Variants in DACH1 observed in about 807,000 individuals in gnomAD.
The protein encoded by DACH1 is dachshund family transcription factor 1, also known as dachshund homolog 1.
DACH1 carries 12 observed loss-of-function variants against 54.2 expected under a neutral mutation model. The observed-to-expected ratio is 0.22, with a 90% CI of 0.14 to 0.36. The LOEUF (loss-of-function observed/expected upper bound fraction) is 0.36. Among genes scored for constraint, DACH1 ranks in the 10% least tolerant of loss-of-function variants. The pLI is 1.00. For synonymous variants in DACH1, 386 were observed against 366.2 expected, an observed-to-expected ratio of 1.05 and a Z score of -0.62; for missense variants, 805 against 929.8, an observed-to-expected ratio of 0.87 and a Z score of 1.75.
rs1290009056 is a variant in DACH1 at position 71,630,578 on chromosome 13, G to A, written c.1104C>T (p.Asn368=). 10 of 1,590,980 alleles carry A rather than the reference G, an allele frequency of 6.3e-6. No individual in the cohort carries two copies. Among genetic ancestry groups the A allele is most frequent in the South Asian group, 3.5e-5 (3 of 86,362 alleles). The part of the protein sequence containing the change: ...SNNQHGADSE[N]GDMNSSVGLE... ...TACCGACACTTGAATTCATGTCCCC[G>A]TTTTCAGAGTCTGCTCCATGTTGGT... The change falls in exon 3 of 11, where the codon AAC becomes AAT. Residue 368 remains asparagine, a synonymous_variant. Transcript: ENST00000613252.
chr13:71,529,038 G>A (rs1321675425), intron 6 of DACH1, among the ~76,000 whole-genome samples: 2 of 152,016 alleles, frequency 1.3e-5, no homozygotes, highest in Non-Finnish European at 2.9e-5. Context: ...TAATAGAAAT[G>A]TATATATTTA....
intron 1 of DACH1, among the ~76,000 whole-genome samples, chr13:71,762,493 T>TCACTTTGGGAGGCCGAGGCGAGCAG (rs1158354871): frequency 6.6e-6 from 1 of 151,858 alleles, no homozygotes; most frequent in South Asian, 2.1e-4. Context: ...GCGTGGTGGC[T>TCACTTTGGGAGGCCGAGGCGAGCAG]CACTTTGGGA....
intron 1 of DACH1, among the ~76,000 whole-genome samples, chr13:71,686,681 A>G (rs182780209): frequency 1.3e-5 from 2 of 152,226 alleles, no homozygotes; most frequent in Non-Finnish European, 2.9e-5. Context: ...TTGAGAAATT[A>G]AGCTTAATTC....
At chr13:71,665,884 T>C (rs1879800394) in intron 2 of DACH1, among the ~76,000 whole-genome samples, 1 of 152,104 alleles carries the variant, frequency 6.6e-6, no homozygotes, top group Admixed American at 6.5e-5. Context: ...TTGAGCAGAC[T>C]ATTTAAATTT....
chr13:71,551,569 T>G (rs534672601), intron 6 of DACH1, among the ~76,000 whole-genome samples: 46 of 152,272 alleles, frequency 3.0e-4, no homozygotes, highest in African/African-American at 1.1e-3. Context: ...GTACTTGGCT[T>G]ATCTCACGTA....
chr13:71,583,903 A>G (rs556923818), intron 3 of DACH1, among the ~76,000 whole-genome samples: 49 of 152,298 alleles, frequency 3.2e-4, no homozygotes, highest in African/African-American at 1.2e-3. Context: ...CTGATTCTAA[A>G]AAATATTCTC....
At chr13:71,672,184 T>C (rs994256529) in intron 2 of DACH1, among the ~76,000 whole-genome samples, 3 of 152,194 alleles carry the variant, frequency 2.0e-5, no homozygotes, top group African/African-American at 4.8e-5. Context: ...CTTAGGTTTA[T>C]ATTAGCACTT....
chr13:71,473,253 C>T (rs1877240872), intron 10 of DACH1, among the ~76,000 whole-genome samples: 1 of 152,066 alleles, frequency 6.6e-6, no homozygotes. Context: ...CAATTAAAGG[C>T]AAAAATAATT....
intron 6 of DACH1, among the ~76,000 whole-genome samples, chr13:71,550,383 G>A (rs975048548): frequency 1.3e-5 from 2 of 152,094 alleles, no homozygotes; most frequent in South Asian, 4.2e-4. Context: ...AGAAGTTTGG[G>A]CTGAACACTA....
chr13:71,675,277 G>T (rs1268950648), intron 2 of DACH1: 16 of 1,598,940 alleles, frequency 1.0e-5, no homozygotes, highest in Admixed American at 1.7e-5. Context: ...CCAGAGTCTG[G>T]TGCGAGAAAT....
intron 1 of DACH1, among the ~76,000 whole-genome samples, chr13:71,775,966 A>C (rs902727777): frequency 6.6e-6 from 1 of 152,150 alleles, no homozygotes; most frequent in Non-Finnish European, 1.5e-5. Flanking sequence ...CTAAATAAGC[A>C]GTATAAGAAT....
intron 6 of DACH1, among the ~76,000 whole-genome samples, chr13:71,534,333 T>C (rs1171613423): frequency 6.6e-6 from 1 of 151,918 alleles, no homozygotes; most frequent in African/African-American, 2.4e-5. Context: ...AGGACAAAAA[T>C]ATTTAAAAAA....
At chr13:71,498,522 T>G (rs759454602) in intron 6 of DACH1, among the ~76,000 whole-genome samples, 16 of 152,086 alleles carry the variant, frequency 1.1e-4, no homozygotes, top group Non-Finnish European at 2.2e-4. Flanking sequence ...GCTCTAGGAA[T>G]AAAATTTTTT....
intron 2 of DACH1, among the ~76,000 whole-genome samples, chr13:71,649,265 C>T (rs1046367810): frequency 6.6e-6 from 1 of 152,128 alleles, no homozygotes; most frequent in Non-Finnish European, 1.5e-5. Context: ...TGTAAGTACG[C>T]TCAACGATGC....
chr13:71,860,467 T>TTC (rs909451990), intron 1 of DACH1, among the ~76,000 whole-genome samples: 6 of 151,704 alleles, frequency 4.0e-5, no homozygotes, highest in African/African-American at 1.4e-4. Context: ...TTTTTTTTTT[T>TTC]TTTTGGTGAA....
chr13:71,752,958 G>A (rs1884990199), intron 1 of DACH1, among the ~76,000 whole-genome samples: 1 of 152,118 alleles, frequency 6.6e-6, no homozygotes, highest in African/African-American at 2.4e-5. Flanking sequence ...TCAGCATCAG[G>A]ACAGGCAGCA....
At chr13:71,648,553 T>C (rs1171442946) in intron 2 of DACH1, among the ~76,000 whole-genome samples, 2 of 152,130 alleles carry the variant, frequency 1.3e-5, no homozygotes, top group Admixed American at 1.3e-4. Flanking sequence ...ATTAAAAGTT[T>C]AAAAATTGTG....
chr13:71,799,508 C>A (rs186085352), intron 1 of DACH1, among the ~76,000 whole-genome samples: 2 of 152,220 alleles, frequency 1.3e-5, no homozygotes, highest in African/African-American at 2.4e-5. Context: ...AACAGTTTTA[C>A]AATAGCTTAC....
intron 1 of DACH1, among the ~76,000 whole-genome samples, chr13:71,837,224 G>C (rs1001063138): frequency 9.2e-5 from 14 of 151,930 alleles, no homozygotes; most frequent in Admixed American, 7.2e-4. Flanking sequence ...TCTATGCATG[G>C]AGTAGTTTTA....
Sources: allele counts gnomAD v4.1 joint callset (sites outside exome capture counted in the v4.1 genomes callset), GRCh38; gene constraint gnomAD v4.1.1; transcripts MANE v1.5; gene names NCBI Gene and HGNC (gene_info 2026-07-23, HGNC 2026-07-21).